NOS2: variants seen among roughly 807,000 people sequenced by gnomAD.
The protein encoded by NOS2 is nitric oxide synthase, inducible.
NOS2 carries 96 observed loss-of-function variants against 136.0 expected under a neutral mutation model. That is an observed-to-expected ratio of 0.71 (90% CI 0.60 to 0.84). NOS2 has a LOEUF of 0.84. Ranked by LOEUF, NOS2 falls within the 40% of genes least tolerant of loss-of-function variation. The pLI is 0.00. For missense variants in NOS2, 1,237 were observed against 1,496.9 expected, an observed-to-expected ratio of 0.83 and a Z score of 2.87; for synonymous variants, 539 against 587.5, an observed-to-expected ratio of 0.92 and a Z score of 1.20.
At chr17:27,786,303 A>G (rs1182468675) in intron 5 of NOS2, among the ~76,000 whole-genome samples, 1 of 152,012 alleles carries the variant, frequency 6.6e-6, no homozygotes, top group Non-Finnish European at 1.5e-5. Flanking sequence ...GCACACACCT[A>G]TAGTCCCAGC....
chr17:27,791,594 C>T (rs956488611), intron 2 of NOS2, among the ~76,000 whole-genome samples: 1 of 152,042 alleles, frequency 6.6e-6, no homozygotes, highest in Non-Finnish European at 1.5e-5. Context: ...CCCACTTGCT[C>T]CTGCTGTATT....
chr17:27,797,187 C>G (rs1282792449), intron 2 of NOS2, among the ~76,000 whole-genome samples: 3 of 152,330 alleles, frequency 2.0e-5, no homozygotes, highest in Non-Finnish European at 4.4e-5. Flanking sequence ...CTACATTCTA[C>G]CCATACTTCA....
At chr17:27,783,895 C>T (rs1908931085) in intron 5 of NOS2, among the ~76,000 whole-genome samples, 1 of 152,206 alleles carries the variant, frequency 6.6e-6, no homozygotes, top group Non-Finnish European at 1.5e-5. Context: ...CCACCCTTCT[C>T]AGGAGCCTGG....
At chr17:27,786,092 C>A (rs1391932853) in intron 5 of NOS2, among the ~76,000 whole-genome samples, 1 of 151,658 alleles carries the variant, frequency 6.6e-6, no homozygotes, top group African/African-American at 2.4e-5. Flanking sequence ...GTGAGGCTCT[C>A]CCCTAATAGC....
intron 5 of NOS2, among the ~76,000 whole-genome samples, chr17:27,784,173 C>CAA (rs1555540373): frequency 6.6e-6 from 1 of 151,224 alleles, no homozygotes; most frequent in African/African-American, 2.4e-5. Context: ...ACCACCACCA[C>CAA]CAACAACAAC....
chr17:27,772,633 A>G (rs1466659382), intron 13 of NOS2, among the ~76,000 whole-genome samples, 181 bp from the exon 14 acceptor site: 1 of 152,150 alleles, frequency 6.6e-6, no homozygotes, highest in Non-Finnish European at 1.5e-5. Context: ...CTCACCCACT[A>G]CTATAGGCCC....
intron 25 of NOS2, 75 bp downstream of exon 25, chr17:27,759,955 G>A: frequency 7.2e-7 from 1 of 1,385,932 alleles, no homozygotes; most frequent in Non-Finnish European, 9.5e-7. Flanking sequence ...GGGGAGGCGA[G>A]GGGCCTGTGG....
chr17:27,773,148 C>T lies in NOS2; in HGVS notation c.1559+13G>A. 6.2e-7 allele frequency: 1 copy of T among 1,605,602 alleles called. No individual in the cohort carries two copies. The highest frequency in any genetic ancestry group is 8.5e-7 in the Non-Finnish European group (1 of 1,172,200). On this transcript the variant is annotated intron_variant, in intron 13 of 26. Coordinates refer to ENST00000313735, the MANE Select transcript of NOS2 (RefSeq NM_000625.4). ...TTCACACATCACTACTAGCCACTGC[C>T]ACTGCCACTCACTTGACCAAGACTT...
At chr17:27,791,726 T>A (rs1287218016) in intron 2 of NOS2, among the ~76,000 whole-genome samples, 1 of 148,802 alleles carries the variant, frequency 6.7e-6, no homozygotes, top group African/African-American at 2.5e-5. Flanking sequence ...CATTGAATAC[T>A]TTTTTCTTTA....
intron 5 of NOS2, among the ~76,000 whole-genome samples, chr17:27,784,178 A>C (rs1908944226): frequency 7.6e-6 from 1 of 131,800 alleles, no homozygotes; most frequent in African/African-American, 2.9e-5. Flanking sequence ...CACCACCAAC[A>C]ACAACAACCT....
Position 27,776,253 on chromosome 17 carries a change from A to G in NOS2, c.1282-1802T>C, listed in dbSNP as rs28999392. ...AGGCCAGCCATGCCTTGTAAATTCA[A>G]TAGACATACATAAGTTATATATGTG... is the stretch of plus-strand genomic sequence containing the variant. On this transcript the variant is annotated intron_variant, in intron 11 of 26. Coordinates refer to ENST00000313735, the MANE Select transcript of NOS2 (RefSeq NM_000625.4). Among the ~76,000 whole-genome samples the G allele has an allele frequency of 3.3e-3, 504 of 152,330 alleles. 7 individuals are homozygous for G. The highest frequency in any genetic ancestry group is 0.011 in the African/African-American group (472 of 41,572).
Position 27,760,662 on chromosome 17 carries a change from T to C in NOS2, c.2971A>G (p.Ser991Gly). Reference protein sequence around the residue: ...GPGTGIAPFRSFWQQRLHDSQ... With the variant: ...GPGTGIAPFRGFWQQRLHDSQ... The stretch of plus-strand genomic sequence containing the variant: ...TCATGGAGCCGTTGCTGCCAGAAAC[T>C]GCGGAAGGGCGCGATGCCTGTGCCA... The change falls in exon 24 of 27, where the codon AGT becomes GGT. Residue 991 changes from serine to glycine, a missense_variant. Around this residue, in one of 3 missense-constraint regions of NOS2, gnomAD observed 782 missense variants for 909.9 expected, o/e 0.86. Transcript: ENST00000313735. The C allele has an allele frequency of 6.4e-7, 1 of 1,553,228 alleles. No homozygotes were observed. The highest frequency in any genetic ancestry group is 8.7e-7 in the Non-Finnish European group (1 of 1,147,964).
rs1191648618 is a variant in NOS2 at position 27,787,907 on chromosome 17, C to G, written c.319-81G>C. The stretch of plus-strand genomic sequence containing the variant: ...CTCTGGGGCCAGCTCTCCTGGCCAC[C>G]TGGCTCCTCTCTGGCTGCTCCGGCT... On this transcript the variant is annotated intron_variant, in intron 4 of 26. Coordinates refer to ENST00000313735, the MANE Select transcript of NOS2 (RefSeq NM_000625.4). The G allele has an allele frequency of 2.1e-6, 3 of 1,445,242 alleles. No individual in the cohort carries two copies. In the Admixed American group the frequency reaches 6.5e-5, roughly 31 times the overall value. 89.5% of individuals were successfully genotyped at this position (1,445,242 alleles called of 1,614,324 possible). A position where few individuals can be genotyped will look rare whatever the true frequency, so the allele number is the denominator to read the frequency against.
At chr17:27,762,009 A>G (rs1407795798) in intron 22 of NOS2, among the ~76,000 whole-genome samples, 1 of 152,120 alleles carries the variant, frequency 6.6e-6, no homozygotes, top group Non-Finnish European at 1.5e-5. Context: ...GAGGGCTCGG[A>G]AGTGTGGGCA....
At position 27,798,765 on chromosome 17, in the gene NOS2, C is replaced by A; in HGVS notation, c.45G>T (p.Gln15His). Residue 15 changes from glutamine to histidine, a missense_variant, in exon 2 of 27, where the codon CAG (glutamine) becomes CAT (histidine). Transcript: ENST00000313735. ...TGTCTTTTTCCCCATTCATTGCATA[C>A]TGGTGGAATTTGGTCTTGAACAGAA... ...WKFLFKTKFH[Q>H]YAMNGEKDIN... 1 of 1,614,078 alleles carries A rather than the reference C, an allele frequency of 6.2e-7. No individual in the cohort carries two copies. Among genetic ancestry groups the A allele is most frequent in the South Asian group, 1.1e-5 (1 of 91,082 alleles).
rs781754813 is a variant in NOS2 at position 27,767,705 on chromosome 17, C to G, written c.2167G>C (p.Ala723Pro). ...CCATGTGCTGCAGAGAAGCAGGTACCTTTGCTGAGGTCCAAAGGCTGTGAG... is the reference window on the plus strand; with the variant it reads ...CCATGTGCTGCAGAGAAGCAGGTACGTTTGCTGAGGTCCAAAGGCTGTGAG... The part of the protein sequence containing the change: ...QDSQPLDLSK[A>P]LSSMHAKNVF... The change falls in exon 18 of 27, where the codon GCC becomes CCC. Residue 723 changes from alanine (A) to proline (P), a missense_variant and splice_region_variant. Ala to Pro is a conservative substitution (Grantham distance 27). Around this residue, in one of 3 missense-constraint regions of NOS2, gnomAD observed 782 missense variants for 909.9 expected, o/e 0.86. Coordinates refer to ENST00000313735, the MANE Select transcript of NOS2 (RefSeq NM_000625.4). The G allele has an allele frequency of 6.2e-7, 1 of 1,613,500 alleles. No individual in the cohort carries two copies. The highest frequency in any genetic ancestry group is 1.1e-5 in the South Asian group (1 of 91,024).
chr17:27,789,589 A>T lies in NOS2; in HGVS notation c.195+15T>A, dbSNP rs201077469. ...AGGGAGGAAGGGGCTTCCCACACCC[A>T]TGTGACTCACTGACCTTTCCCGTCT... On this transcript the variant is annotated intron_variant, in intron 3 of 26. Transcript: ENST00000313735. The T allele has an allele frequency of 3.6e-5, 58 of 1,602,584 alleles. No individual in the cohort carries two copies. Among genetic ancestry groups the T allele is most frequent in the Non-Finnish European group, 5.0e-5 (58 of 1,169,702 alleles).
At chr17:27,780,980 C>T (rs1312483444) in intron 8 of NOS2, 56 bp downstream of exon 8, 9 of 1,600,474 alleles carry the variant, frequency 5.6e-6, no homozygotes, top group African/African-American at 4.0e-5. Context: ...CTCTGTCACT[C>T]GCTCACCACG....
rs753748936 is a variant in NOS2 at position 27,774,460 on chromosome 17, G to C, written c.1282-9C>G. The C allele has an allele frequency of 2.7e-6, 4 of 1,459,590 alleles. No homozygotes were observed. Among genetic ancestry groups the C allele is most frequent in the Non-Finnish European group, 3.6e-6 (4 of 1,096,662 alleles). 90.4% of individuals were successfully genotyped at this position (1,459,590 alleles called of 1,614,324 possible). The stretch of plus-strand genomic sequence containing the variant: ...ATGGTCACATTCTGCTTCTGTATCA[G>C]AAGGCAAGATAGGGAGTGGAGATAA... On this transcript the variant is annotated splice_polypyrimidine_tract_variant and intron_variant, in intron 11 of 26. Transcript: ENST00000313735.
Sources: gnomAD v4.1 joint callset for allele counts (sites outside exome capture counted in the v4.1 genomes callset) on GRCh38, gnomAD v4.1.1 for gene constraint, gnomAD v4.1.1 regional missense constraint, MANE v1.5 for transcripts, NCBI Gene and HGNC (gene_info 2026-07-23, HGNC 2026-07-21) for gene names.